WDR33: variants seen among roughly 807,000 people sequenced by gnomAD.
WDR33 encodes pre-mRNA 3' end processing protein WDR33.
A neutral mutation model predicts 164.9 loss-of-function variants in WDR33; 47 were observed. That is an observed-to-expected ratio of 0.29 (90% CI 0.23 to 0.36). The LOEUF (loss-of-function observed/expected upper bound fraction) is 0.36, where lower values mean the gene tolerates loss of function less well. WDR33 is among the 10% of genes least tolerant of loss of function. The pLI is 1.00. For missense variants in WDR33, 1,137 were observed against 1,754.1 expected (o/e 0.65, Z 6.28); for synonymous variants, 505 against 589.0 (o/e 0.86, Z 2.06).
intron 1 of WDR33, among the ~76,000 whole-genome samples, chr2:127,802,330 G>A (rs1176374870): frequency 1.3e-5 from 2 of 152,152 alleles, no homozygotes; most frequent in Non-Finnish European, 2.9e-5. Context: ...AGAGCTCAGA[G>A]ACAGAAGCAA....
Position 127,719,901 on chromosome 2 carries a change from C to A in WDR33, c.2124G>T (p.Gln708His). 1 of 1,613,932 alleles carries A rather than the reference C, an allele frequency of 6.2e-7. No homozygotes were observed. Among genetic ancestry groups the A allele is most frequent in the East Asian group, 2.2e-5 (1 of 44,882 alleles). Residue 708 changes from glutamine to histidine, a missense_variant, in exon 16 of 22, where the codon CAG becomes CAT. Transcript: ENST00000322313. This position sits in a 1 kb window ranked among gnomAD's most constrained non-coding sequence, Gnocchi z 6.5. The stretch of plus-strand genomic sequence containing the variant: ...TGTGACCCTGTGGGCCAGGTGGACC[C>A]TGAGGACCCATATGACCTTGAGGAC... ...SSGPQGHMGP[Q>H]GPPGPQGHIG... is the part of the protein sequence containing the mutation.
At chr2:127,750,650 TAAAAAAA>T (rs1174539929) in intron 7 of WDR33, among the ~76,000 whole-genome samples, 315 of 14,864 alleles carry the variant, frequency 0.021, 5 homozygotes, top group Middle Eastern at 0.12. Context: ...AACTCCATCT[TAAAAAAA>T]AAAAAAAAAA....
Position 127,770,210 on chromosome 2 carries a change from C to T in WDR33, c.204+568G>A, listed in dbSNP as rs114107069. On this transcript the variant is annotated intron_variant, in intron 2 of 21. Transcript: ENST00000322313. The surrounding 1 kb of genome is among the most constrained non-coding windows in gnomAD (Gnocchi z 4.9). Reference sequence around the variant, plus strand: ...TAATTTGTGAACTTTTAGAGCAAATCCTATTTCTAAAATGGAGTCTAACTT... The same window carrying T: ...TAATTTGTGAACTTTTAGAGCAAATTCTATTTCTAAAATGGAGTCTAACTT... Among the ~76,000 whole-genome samples, 83 of 152,260 alleles carry T rather than the reference C, an allele frequency of 5.5e-4. No homozygotes were observed. Among genetic ancestry groups the T allele is most frequent in the African/African-American group, 1.9e-3 (78 of 41,538 alleles).
chr2:127,774,722 C>T (rs954470469), intron 1 of WDR33, among the ~76,000 whole-genome samples: 2 of 151,826 alleles, frequency 1.3e-5, no homozygotes, highest in South Asian at 2.1e-4. Flanking sequence ...CCCGGCTACT[C>T]GGGAGGCTGA....
chr2:127,764,771 G>A lies in WDR33; in HGVS notation c.626+57C>T, dbSNP rs1473869226. The A allele has an allele frequency of 1.9e-6, 3 of 1,614,072 alleles. No individual in the cohort carries two copies. The highest frequency in any genetic ancestry group is 2.5e-6 in the Non-Finnish European group (3 of 1,180,038). On this transcript the variant is annotated intron_variant, in intron 6 of 21. Transcript: ENST00000322313. The surrounding 1 kb of genome is among the most constrained non-coding windows in gnomAD (Gnocchi z 6.2). ...CATCTCTGCACCCAGAATACACTTAGAGAATAATTTAACCATGACAATAGG... is the reference window on the plus strand; with the variant it reads ...CATCTCTGCACCCAGAATACACTTAAAGAATAATTTAACCATGACAATAGG...
chr2:127,788,348 C>A (rs1688687958), intron 1 of WDR33, among the ~76,000 whole-genome samples: 1 of 106,434 alleles, frequency 9.4e-6, no homozygotes. Context: ...CAGAGGGGCT[C>A]CTCACTTCCC....
intron 1 of WDR33, among the ~76,000 whole-genome samples, chr2:127,805,457 G>A (rs1414247904): frequency 6.6e-6 from 1 of 151,850 alleles, no homozygotes; most frequent in Admixed American, 6.6e-5. Context: ...CTAGTTTACA[G>A]GAAATAAAAG....
chr2:127,762,871 A>G, intron 7 of WDR33, 191 bp downstream of exon 7: 1 of 1,402,584 alleles, frequency 7.1e-7, no homozygotes, highest in East Asian at 2.7e-5. Context: ...CAAAGATAAC[A>G]CTGGTAGTAA....
At chr2:127,753,830 G>C (rs762901843) in intron 7 of WDR33, among the ~76,000 whole-genome samples, 3 of 151,858 alleles carry the variant, frequency 2.0e-5, no homozygotes, top group Non-Finnish European at 2.9e-5. Context: ...AGGAAGGTGA[G>C]ATAAAAACCA....
In WDR33 at chr2:127,717,304, C is replaced by A; in HGVS notation, c.2761-41G>T. 6.7e-7 allele frequency: 1 copy of A among 1,482,412 alleles called. No homozygotes were observed. Among genetic ancestry groups the A allele is most frequent in the Non-Finnish European group, 9.0e-7 (1 of 1,108,652 alleles). The allele number at this position is 1,482,412 out of a possible 1,614,324, so 91.8% of individuals were successfully genotyped here. A position where few individuals can be genotyped will look rare whatever the true frequency, so the allele number is the denominator to read the frequency against. ...TAAAGTAAGGGTATGAAATCACAGG[C>A]TTGAGCTACATAAATAGTGATTGCA... On this transcript the variant is annotated intron_variant, in intron 16 of 21. Coordinates refer to ENST00000322313, the MANE Select transcript of WDR33 (RefSeq NM_018383.5). The surrounding 1 kb of genome is among the most constrained non-coding windows in gnomAD (Gnocchi z 5.6).
Position 127,768,147 on chromosome 2 carries a change from G to T in WDR33, c.378+42C>A, listed in dbSNP as rs371170954. The T allele has an allele frequency of 1.1e-5, 14 of 1,267,588 alleles. No individual in the cohort carries two copies. The South Asian group carries it at 1.3e-4, about 12-fold the overall frequency. 78.5% of individuals were successfully genotyped at this position (1,267,588 alleles called of 1,614,324 possible). ...CTGTCAAATACATTTGCTATATAAC[G>T]CAGGATTAATTTTCCCCCAAAATAT... On this transcript the variant is annotated intron_variant, in intron 4 of 21. Coordinates refer to ENST00000322313, the MANE Select transcript of WDR33 (RefSeq NM_018383.5).
rs551884353 is a variant in WDR33 at position 127,791,501 on chromosome 2, C to T, written c.-24+19511G>A. Among the ~76,000 whole-genome samples, 11 of 152,232 alleles carry T rather than the reference C, an allele frequency of 7.2e-5. 2 individuals carry two copies. The South Asian group carries it at 2.3e-3, about 32-fold the overall frequency. ...AGTGAGGGCTCTCTTTCTGGCTTGA[C>T]GGAAAGAGAAACAGCAAACTTTCTG... On this transcript the variant is annotated intron_variant, in intron 1 of 21. Coordinates refer to ENST00000322313, the MANE Select transcript of WDR33 (RefSeq NM_018383.5).
At position 127,709,948 on chromosome 2, in the gene WDR33, T is replaced by C. The variant is rs1051465402; in HGVS notation, c.3309-92A>G. The C allele has an allele frequency of 6.2e-6, 9 of 1,444,994 alleles. No individual in the cohort carries two copies. The highest frequency in any genetic ancestry group is 1.4e-5 in the African/African-American group (1 of 70,134). The allele number at this position is 1,444,994 out of a possible 1,614,324, so 89.5% of individuals were successfully genotyped here. A position where few individuals can be genotyped will look rare whatever the true frequency, so the allele number is the denominator to read the frequency against. ...AAGAAGCATATGATATGAGAAAGCA[T>C]GATACAATGTTAATTGGGAGGAAAA... On this transcript the variant is annotated intron_variant, in intron 18 of 21. Transcript: ENST00000322313. The surrounding 1 kb of genome is among the most constrained non-coding windows in gnomAD (Gnocchi z 5.0).
At chr2:127,778,119 C>A (rs1397884042) in intron 1 of WDR33, among the ~76,000 whole-genome samples, 2 of 152,038 alleles carry the variant, frequency 1.3e-5, no homozygotes, top group African/African-American at 2.4e-5. Context: ...AATAGCAAGA[C>A]CCCCATCTCT....
In WDR33 at chr2:127,712,767, T is replaced by C. The variant is rs139039402; in HGVS notation, c.3308+816A>G. ...CCTGGTGTTTTTTTGTTTTGTTTTG[T>C]TTTTCTTTTAAGAGACAGGGTCTTG... On this transcript the variant is annotated intron_variant, in intron 18 of 21. Coordinates refer to ENST00000322313, the MANE Select transcript of WDR33 (RefSeq NM_018383.5). The surrounding 1 kb of genome is among the most constrained non-coding windows in gnomAD (Gnocchi z 4.0). Among the ~76,000 whole-genome samples, 84 of 152,320 alleles carry C rather than the reference T, an allele frequency of 5.5e-4. No individual in the cohort carries two copies. Among genetic ancestry groups the C allele is most frequent in the Non-Finnish European group, 9.4e-4 (64 of 68,028 alleles).
At chr2:127,780,388 C>G (rs1573449639) in intron 1 of WDR33, among the ~76,000 whole-genome samples, 1 of 152,146 alleles carries the variant, frequency 6.6e-6, no homozygotes, top group South Asian at 2.1e-4. Context: ...AAATTTGATA[C>G]CCAATCTGTC....
At chr2:127,765,869 CA>C (rs1044752300) in intron 4 of WDR33, among the ~76,000 whole-genome samples, 1 of 151,094 alleles carries the variant, frequency 6.6e-6, no homozygotes, top group Non-Finnish European at 1.5e-5. Context: ...GATCTACTCT[CA>C]AAAAAAACCA....
At chr2:127,767,897 G>C (rs925265144) in intron 4 of WDR33, among the ~76,000 whole-genome samples, 1 of 151,960 alleles carries the variant, frequency 6.6e-6, no homozygotes, top group Non-Finnish European at 1.5e-5. Context: ...GTTAATAAAA[G>C]CATTCCTACT....
At chr2:127,715,838 C>T (rs1293097644) in intron 17 of WDR33, among the ~76,000 whole-genome samples, 3 of 152,150 alleles carry the variant, frequency 2.0e-5, no homozygotes, top group East Asian at 1.9e-4. Flanking sequence ...AGTGATGGGG[C>T]GGCGGCGGCG....
Sources: gnomAD v4.1 joint callset for allele counts (sites outside exome capture counted in the v4.1 genomes callset) on GRCh38, gnomAD v4.1.1 for gene constraint, Gnocchi (gnomAD v3.1) non-coding constraint, MANE v1.5 for transcripts, NCBI Gene and HGNC (gene_info 2026-07-23, HGNC 2026-07-21) for gene names.